NTM: variants seen among roughly 807,000 people sequenced by gnomAD.
NTM encodes IgLON family member 2.
In NTM, 13 loss-of-function variants were observed where a neutral mutation model predicts 42.1. The observed-to-expected ratio is 0.31, with a 90% CI of 0.20 to 0.49. The LOEUF is 0.49. Among genes scored for constraint, NTM ranks in the 20% least tolerant of loss-of-function variants. NTM has a pLI of 0.99. For synonymous variants in NTM, 187 were observed against 179.2 expected (o/e 1.04, Z -0.35); for missense variants, 373 against 452.8 (o/e 0.82, Z 1.60).
In NTM at chr11:131,523,812, GA is replaced by G. The variant is rs1481386930; in HGVS notation, c.82+152926del. The stretch of plus-strand genomic sequence containing the variant: ...AAAAAAAAAAAAAAAAAAAGAATAA[GA>G]AGAAGAAAAGGAAGGAAGAAGAGAC... On this transcript the variant is annotated intron_variant, in intron 1 of 8. Coordinates refer to ENST00000683400, the MANE Select transcript of NTM (RefSeq NM_001352005.2). 3.1e-3 allele frequency among the ~76,000 whole-genome samples: 445 copies of G among 143,266 alleles called. 2 individuals carry two copies. The highest frequency in any genetic ancestry group is 0.011 in the African/African-American group (401 of 38,164). The allele number at this position is 143,266 out of a possible 152,430, so 94.0% of individuals were successfully genotyped here. A position where few individuals can be genotyped will look rare whatever the true frequency, so the allele number is the denominator to read the frequency against.
chr11:131,412,566 T>C (rs371393572), intron 1 of NTM, among the ~76,000 whole-genome samples: 1 of 152,260 alleles, frequency 6.6e-6, no homozygotes, highest in African/African-American at 2.4e-5. Context: ...AAATTAGACA[T>C]TTAGATAACA....
chr11:131,656,238 T>G (rs2067169172), intron 1 of NTM, among the ~76,000 whole-genome samples: 1 of 152,194 alleles, frequency 6.6e-6, no homozygotes, highest in Non-Finnish European at 1.5e-5. Flanking sequence ...GTGTAAGAGA[T>G]TCGTCTCCAT....
At chr11:131,532,875 G>A (rs985661900) in intron 1 of NTM, among the ~76,000 whole-genome samples, 21 of 151,860 alleles carry the variant, frequency 1.4e-4, no homozygotes, top group African/African-American at 4.6e-4. Context: ...ATCTTTTTTG[G>A]AGAAACGTCT....
chr11:131,498,008 A>G (rs1194051364), intron 1 of NTM, among the ~76,000 whole-genome samples: 10 of 152,228 alleles, frequency 6.6e-5, no homozygotes, highest in Middle Eastern at 3.2e-3. Flanking sequence ...AGCAGTAGGG[A>G]CTAGCTGCGT....
chr11:131,495,263 G>A (rs920617271), intron 1 of NTM, among the ~76,000 whole-genome samples: 9 of 152,194 alleles, frequency 5.9e-5, no homozygotes, highest in African/African-American at 1.9e-4. Context: ...AAAGAATCCT[G>A]CTGTCGGTAG....
intron 1 of NTM, among the ~76,000 whole-genome samples, chr11:131,514,792 T>G (rs2048686796): frequency 6.6e-6 from 1 of 152,090 alleles, no homozygotes; most frequent in African/African-American, 2.4e-5. Context: ...GGTTTCTCTA[T>G]GTTACCCATG....
chr11:131,648,608 C>T (rs761704665), intron 1 of NTM, among the ~76,000 whole-genome samples: 1 of 152,114 alleles, frequency 6.6e-6, no homozygotes, highest in Non-Finnish European at 1.5e-5. Context: ...AGGTAATTTC[C>T]TTTAGGCATA....
At chr11:132,311,981 CT>C in intron 6 of NTM, among the ~76,000 whole-genome samples, 1 of 152,152 alleles carries the variant, frequency 6.6e-6, no homozygotes, top group Non-Finnish European at 1.5e-5. Context: ...TTCTGTCTTT[CT>C]TTCAGTTCTT....
chr11:132,201,326 A>G (rs1219228072), intron 3 of NTM, among the ~76,000 whole-genome samples: 1 of 152,202 alleles, frequency 6.6e-6, no homozygotes, highest in South Asian at 2.1e-4. Flanking sequence ...CTGGTATATG[A>G]TAGAAGTGGC....
intron 1 of NTM, among the ~76,000 whole-genome samples, chr11:131,862,157 G>A (rs2046703178): frequency 6.6e-6 from 1 of 152,202 alleles, no homozygotes; most frequent in South Asian, 2.1e-4. Context: ...CAGACTGTCT[G>A]AGAATTTTAG....
chr11:131,378,022 C>T (rs972842115), intron 1 of NTM, among the ~76,000 whole-genome samples: 2 of 152,228 alleles, frequency 1.3e-5, no homozygotes, highest in African/African-American at 4.8e-5. Flanking sequence ...TTGCAATACT[C>T]TGTCTGAAAG....
At position 131,873,624 on chromosome 11, in the gene NTM, CAT is replaced by C. The variant is rs201906879; in HGVS notation, c.83-37930_83-37929del. 7.4e-3 allele frequency among the ~76,000 whole-genome samples: 833 copies of C among 112,104 alleles called. 70 individuals are homozygous for C. The highest frequency in any genetic ancestry group is 0.029 in the African/African-American group (747 of 25,960). 73.5% of individuals were successfully genotyped at this position (112,104 alleles called of 152,430 possible). ...CATATATATATACCGTATATATATA[CAT>C]ATATATATACACATATATATATACA... On this transcript the variant is annotated intron_variant, in intron 1 of 8. Transcript: ENST00000683400.
At chr11:131,382,502 A>T (rs1308310784) in intron 1 of NTM, among the ~76,000 whole-genome samples, 1 of 152,206 alleles carries the variant, frequency 6.6e-6, no homozygotes, top group Non-Finnish European at 1.5e-5. Context: ...TTGTGAAAAA[A>T]AAAATCTCCA....
intron 1 of NTM, among the ~76,000 whole-genome samples, chr11:131,424,017 C>T (rs1045885640): frequency 9.2e-5 from 14 of 152,194 alleles, no homozygotes; most frequent in Admixed American, 5.2e-4. Context: ...GTGTGTTTAA[C>T]TTCCACTTCA....
chr11:132,289,132 T>A (rs2094361002), intron 4 of NTM, among the ~76,000 whole-genome samples: 1 of 152,214 alleles, frequency 6.6e-6, no homozygotes, highest in Non-Finnish European at 1.5e-5. Flanking sequence ...TTTTAGCAGC[T>A]GCTTTAAGAT....
chr11:131,590,460 T>C (rs1380794239), intron 1 of NTM, among the ~76,000 whole-genome samples: 4 of 152,118 alleles, frequency 2.6e-5, no homozygotes, highest in Admixed American at 6.6e-5. Context: ...CAGAAAACAG[T>C]GCAAAGCAGA....
At chr11:131,751,427 A>G (rs1433441033) in intron 1 of NTM, among the ~76,000 whole-genome samples, 1 of 152,054 alleles carries the variant, frequency 6.6e-6, no homozygotes, top group African/African-American at 2.4e-5. Context: ...CGTCTCCATT[A>G]AAAATACAAA....
Position 132,097,855 on chromosome 11 carries a change from C to T in NTM, c.168-48427C>T, listed in dbSNP as rs189630000. ...GGGTTCCGGCATTGGTTGAGTTCCTCCCACTTGGGCAGATGGTAGGCTGCT... is the reference window on the plus strand; with the variant it reads ...GGGTTCCGGCATTGGTTGAGTTCCTTCCACTTGGGCAGATGGTAGGCTGCT... On this transcript the variant is annotated intron_variant, in intron 2 of 8. Transcript: ENST00000683400. Among the ~76,000 whole-genome samples the T allele has an allele frequency of 9.7e-4, 147 of 152,324 alleles. 1 individual carries two copies. The highest frequency in any genetic ancestry group is 3.4e-3 in the African/African-American group (143 of 41,566).
At chr11:132,043,157 G>A (rs768964618) in intron 2 of NTM, among the ~76,000 whole-genome samples, 10 of 152,104 alleles carry the variant, frequency 6.6e-5, no homozygotes, top group Admixed American at 2.0e-4. Flanking sequence ...CTTTTTGGTC[G>A]TAGCTGAGGA....
Sources: allele counts gnomAD v4.1 joint callset (sites outside exome capture counted in the v4.1 genomes callset), GRCh38; gene constraint gnomAD v4.1.1; transcripts MANE v1.5; gene names NCBI Gene and HGNC (gene_info 2026-07-23, HGNC 2026-07-21).